TIRAP: variants seen among roughly 807,000 people sequenced by gnomAD.
The protein encoded by TIRAP is toll/interleukin-1 receptor domain-containing adapter protein.
Under a neutral mutation model 19.8 loss-of-function variants are expected in TIRAP, and 20 were observed. That is an observed-to-expected ratio of 1.01 (90% CI 0.71 to 1.47). The LOEUF (loss-of-function observed/expected upper bound fraction) is 1.47, where lower values mean the gene tolerates loss of function less well. TIRAP is among the 40% of genes most tolerant of loss of function. The pLI, the probability that TIRAP is intolerant of heterozygous loss-of-function variation, is 0.00. For missense variants in TIRAP, 276 were observed against 285.1 expected, an observed-to-expected ratio of 0.97 and a Z score of 0.23; for synonymous variants, 125 against 121.7, an observed-to-expected ratio of 1.03 and a Z score of -0.18.
intron 1 of TIRAP, among the ~76,000 whole-genome samples, chr11:126,286,208 T>C (rs1298159668): frequency 6.6e-6 from 1 of 151,340 alleles, no homozygotes; most frequent in Non-Finnish European, 1.5e-5. Flanking sequence ...CTACTAAAAA[T>C]ACAAAAATTA....
rs1326869927 is a variant in TIRAP at position 126,288,271 on chromosome 11, A to C, written c.-216-2191A>C. ...ATGAATTTTTTCAAAGCACAAAGAA[A>C]GCGACTGCGTATTAGACCACACAGC... is the stretch of plus-strand genomic sequence containing the variant. On this transcript the variant is annotated intron_variant, in intron 1 of 4. Transcript: ENST00000392679. The surrounding 1 kb of genome is among the most constrained non-coding windows in gnomAD (Gnocchi z 5.0). Among the ~76,000 whole-genome samples, 1 of 152,256 alleles carries C rather than the reference A, an allele frequency of 6.6e-6. No individual in the cohort carries two copies. Among genetic ancestry groups the C allele is most frequent in the Non-Finnish European group, 1.5e-5 (1 of 68,050 alleles).
Position 126,288,172 on chromosome 11 carries a change from G to A in TIRAP, c.-216-2290G>A, listed in dbSNP as rs956255988. ...TGGGATTACAGGCATGAGCCACTGA[G>A]CCCGTTCCCTTTACTAATTTTCTAT... On this transcript the variant is annotated intron_variant, in intron 1 of 4. Transcript: ENST00000392679. The surrounding 1 kb of genome is among the most constrained non-coding windows in gnomAD (Gnocchi z 5.0). Among the ~76,000 whole-genome samples the A allele has an allele frequency of 1.3e-5, 2 of 152,220 alleles. No individual in the cohort carries two copies. The highest frequency in any genetic ancestry group is 4.8e-5 in the African/African-American group (2 of 41,468).
At chr11:126,284,843 G>A (rs1480809412) in intron 1 of TIRAP, among the ~76,000 whole-genome samples, 2 of 138,000 alleles carry the variant, frequency 1.4e-5, no homozygotes, top group African/African-American at 5.3e-5. Context: ...GACAGAGGGA[G>A]ACTCCGTCTC....
At chr11:126,293,169 A>G (rs8177375) in intron 4 of TIRAP, 114 bp downstream of exon 4, 192,894 of 1,566,470 alleles carry the variant, frequency 0.12, 12,227 homozygotes, top group South Asian at 0.14. Context: ...GCTTCTGGAA[A>G]AGGCTGTCGG....
rs1367576252 is a variant in TIRAP, at chr11:126,292,962, G to A, written c.553G>A (p.Ala185Thr). ...CCCCCTGCTGTCGGGCCTCAGCAGA[G>A]CTGCCTACCCACCTGAGCTCCGATT... ...TIPLLSGLSR[A>T]AYPPELRFMY... is the part of the protein sequence containing the mutation. Residue 185 changes from alanine (A) to threonine (T), a missense_variant, in exon 4 of 5, where the codon GCT (alanine) becomes ACT (threonine). Ala to Thr is a moderately conservative substitution (Grantham distance 58, BLOSUM62 0). Coordinates refer to ENST00000392679, the MANE Select transcript of TIRAP (RefSeq NM_001318777.2). 6.2e-7 allele frequency: 1 copy of A among 1,614,060 alleles called. No homozygotes were observed. The highest frequency in any genetic ancestry group is 1.3e-5 in the African/African-American group (1 of 74,944).
intron 4 of TIRAP, 178 bp downstream of exon 4, chr11:126,293,233 G>A (rs1028256621): frequency 3.9e-5 from 44 of 1,127,108 alleles, no homozygotes; most frequent in African/African-American, 3.1e-5. Flanking sequence ...ACTTGGCCAA[G>A]TTACTCACCC....
In TIRAP at chr11:126,291,510, T is replaced by C. The variant is rs1276820652; in HGVS notation, c.67+549T>C. On this transcript the variant is annotated intron_variant, in intron 3 of 4. Coordinates refer to ENST00000392679, the MANE Select transcript of TIRAP (RefSeq NM_001318777.2). This position sits in a 1 kb window ranked among gnomAD's most constrained non-coding sequence, Gnocchi z 5.6. ...TGACACTGCATTATCTCAGTTAACT[T>C]TCAGCAACTAAGACAGGTCCACAAG... is the stretch of plus-strand genomic sequence containing the variant. The C allele has an allele frequency of 1.1e-6, 1 of 937,440 alleles. No homozygotes were observed. Among genetic ancestry groups the C allele is most frequent in the South Asian group, 1.3e-5 (1 of 74,580 alleles). 58.1% of individuals were successfully genotyped at this position (937,440 alleles called of 1,614,324 possible).
intron 1 of TIRAP, among the ~76,000 whole-genome samples, chr11:126,289,502 C>T (rs988393658): frequency 6.6e-6 from 1 of 152,254 alleles, no homozygotes; most frequent in Non-Finnish European, 1.5e-5. Flanking sequence ...TAGGCTTGAA[C>T]TCCTGACTTC....
intron 1 of TIRAP, among the ~76,000 whole-genome samples, chr11:126,283,983 G>T (rs993328685): frequency 6.6e-6 from 1 of 151,360 alleles, no homozygotes; most frequent in Non-Finnish European, 1.5e-5. Context: ...CCATAAAATA[G>T]GTTTGCCTGT....
chr11:126,285,118 T>C (rs1951303732), intron 1 of TIRAP, among the ~76,000 whole-genome samples: 1 of 151,848 alleles, frequency 6.6e-6, no homozygotes, highest in South Asian at 2.1e-4. Context: ...TATTGCTCAT[T>C]TGAATATTCC....
At chr11:126,289,425 C>G (rs1309742743) in intron 1 of TIRAP, among the ~76,000 whole-genome samples, 2 of 152,132 alleles carry the variant, frequency 1.3e-5, no homozygotes, top group African/African-American at 4.8e-5. Context: ...TTATAGGCGC[C>G]TGCCACCATG....
rs552322718 is a variant in TIRAP, at chr11:126,289,703, G to T, written c.-216-759G>T. 23 of 985,436 alleles carry T rather than the reference G, an allele frequency of 2.3e-5. No homozygotes were observed. The African/African-American group carries it at 3.3e-4, about 14-fold the overall frequency. 61.0% of individuals were successfully genotyped at this position (985,436 alleles called of 1,614,324 possible). On this transcript the variant is annotated intron_variant, in intron 1 of 4. Transcript: ENST00000392679. ...AAAGCAGCCCTGTGCCAGTTGCTCT[G>T]CCAGCCTTTCACAGGAGAAGTGTCA...
chr11:126,291,005 A>G lies in TIRAP; in HGVS notation c.67+44A>G. 4 of 1,576,912 alleles carry G rather than the reference A, an allele frequency of 2.5e-6. No individual in the cohort carries two copies. The highest frequency in any genetic ancestry group is 3.4e-6 in the Non-Finnish European group (4 of 1,160,262). On this transcript the variant is annotated intron_variant, in intron 3 of 4. Transcript: ENST00000392679. The surrounding 1 kb of genome is among the most constrained non-coding windows in gnomAD (Gnocchi z 5.6). ...GCGACTCTGCTGTGTTCCTGAGTGT[A>G]GTGCTCAGCCTCCATAGGGCGCGGT...
rs951537712 is a variant in TIRAP, at chr11:126,285,463, T to C, written c.-217+2310T>C. On this transcript the variant is annotated intron_variant, in intron 1 of 4. Coordinates refer to ENST00000392679, the MANE Select transcript of TIRAP (RefSeq NM_001318777.2). ...TTTTAGTAGAGATGGGGTTTCACCA[T>C]GTTGGCCAGGCTGATCTTGAACTCC... 1.1e-4 allele frequency among the ~76,000 whole-genome samples: 17 copies of C among 151,418 alleles called. No homozygotes were observed. In the South Asian group the frequency reaches 2.9e-3, roughly 26 times the overall value.
At position 126,291,338 on chromosome 11, in the gene TIRAP, C is replaced by T; in HGVS notation, c.67+377C>T. On this transcript the variant is annotated intron_variant, in intron 3 of 4. Transcript: ENST00000392679. This position sits in a 1 kb window ranked among gnomAD's most constrained non-coding sequence, Gnocchi z 5.6. ...TCAATCCCCACCACAACTATCTGTC[C>T]TTATCAAAGGCTGGGGAAGCTGTTT... The T allele has an allele frequency of 3.2e-5, 25 of 787,066 alleles. No homozygotes were observed. The highest frequency in any genetic ancestry group is 4.8e-5 in the Non-Finnish European group (25 of 525,982). 48.8% of individuals were successfully genotyped at this position (787,066 alleles called of 1,614,324 possible). A position where few individuals can be genotyped will look rare whatever the true frequency, so the allele number is the denominator to read the frequency against.
At position 126,288,073 on chromosome 11, in the gene TIRAP, G is replaced by C. The variant is rs1591372479; in HGVS notation, c.-216-2389G>C. On this transcript the variant is annotated intron_variant, in intron 1 of 4. Transcript: ENST00000392679. The surrounding 1 kb of genome is among the most constrained non-coding windows in gnomAD (Gnocchi z 5.0). ...CCGGCTAAATTTTGTATTTTTAGTAGAGAAGGGGTTTTGACAGGCTGGTCT... is the reference window on the plus strand; with the variant it reads ...CCGGCTAAATTTTGTATTTTTAGTACAGAAGGGGTTTTGACAGGCTGGTCT... Among the ~76,000 whole-genome samples, 1 of 149,950 alleles carries C rather than the reference G, an allele frequency of 6.7e-6. No individual in the cohort carries two copies. The highest frequency in any genetic ancestry group is 2.5e-5 in the African/African-American group (1 of 40,606).
In TIRAP at chr11:126,288,116, A is replaced by G. The variant is rs1012890570; in HGVS notation, c.-216-2346A>G. On this transcript the variant is annotated intron_variant, in intron 1 of 4. Coordinates refer to ENST00000392679, the MANE Select transcript of TIRAP (RefSeq NM_001318777.2). This position sits in a 1 kb window ranked among gnomAD's most constrained non-coding sequence, Gnocchi z 5.0. ...GCTGGTCTGGAACTCCTGAGCTCAC[A>G]TGATCTGCCCACCTCGGCCTCCCAA... 4.6e-5 allele frequency among the ~76,000 whole-genome samples: 7 copies of G among 152,092 alleles called. No homozygotes were observed. Among genetic ancestry groups the G allele is most frequent in the East Asian group, 1.9e-4 (1 of 5,188 alleles).
In TIRAP at chr11:126,290,424, T is replaced by C; in HGVS notation, c.-216-38T>C. 1.0e-6 allele frequency: 1 copy of C among 988,158 alleles called. No homozygotes were observed. The highest frequency in any genetic ancestry group is 1.2e-6 in the Non-Finnish European group (1 of 831,732). The allele number at this position is 988,158 out of a possible 1,614,324, so 61.2% of individuals were successfully genotyped here. ...TCTGTCTATCTGGATACATAATTAT[T>C]TGTCCAAATAGCAACTGTCCTTCTT... On this transcript the variant is annotated intron_variant, in intron 1 of 4. Coordinates refer to ENST00000392679, the MANE Select transcript of TIRAP (RefSeq NM_001318777.2). The surrounding 1 kb of genome is among the most constrained non-coding windows in gnomAD (Gnocchi z 4.9).
chr11:126,285,243 G>GTGTGTATATATATA, intron 1 of TIRAP, among the ~76,000 whole-genome samples: 1,430 of 106,942 alleles, frequency 0.013, 14 homozygotes, highest in Non-Finnish European at 0.019. Context: ...GTGTGTGTGT[G>GTGTGTATATATATA]TATATATATA....
Sources: allele counts gnomAD v4.1 joint callset (sites outside exome capture counted in the v4.1 genomes callset), GRCh38; gene constraint gnomAD v4.1.1; non-coding constraint Gnocchi (gnomAD v3.1); transcripts MANE v1.5; gene names NCBI Gene and HGNC (gene_info 2026-07-23, HGNC 2026-07-21).